RAPGEF6: variants seen among roughly 807,000 people sequenced by gnomAD.
The protein encoded by RAPGEF6 is PDZ domain containing guanine nucleotide exchange factor (GEF) 2.
In RAPGEF6, 56 loss-of-function variants were observed where a neutral mutation model predicts 171.4. The observed-to-expected ratio is 0.33, with a 90% CI of 0.26 to 0.41. The LOEUF is 0.41. Ranked by LOEUF, RAPGEF6 falls within the 10% of genes least tolerant of loss-of-function variation. The pLI is 1.00. For synonymous variants in RAPGEF6, 692 were observed against 650.1 expected, an observed-to-expected ratio of 1.06 and a Z score of -0.98; for missense variants, 1,674 against 1,921.4, an observed-to-expected ratio of 0.87 and a Z score of 2.41.
chr5:131,497,157 G>C (rs1225730252), intron 12 of RAPGEF6, among the ~76,000 whole-genome samples: 1 of 152,104 alleles, frequency 6.6e-6, no homozygotes, highest in Non-Finnish European at 1.5e-5. Flanking sequence ...GTGCCTGTTG[G>C]CCATTTACAT....
chr5:131,547,983 T>G, intron 6 of RAPGEF6, 64 bp downstream of exon 6: 1 of 1,538,980 alleles, frequency 6.5e-7, no homozygotes, highest in Non-Finnish European at 8.9e-7. Flanking sequence ...AAGATACATG[T>G]AAATTAAAGA....
Position 131,572,575 on chromosome 5 carries a change from C to A in RAPGEF6, c.282-10528G>T, listed in dbSNP as rs144811890. ...TGGTGGCAGGTCAACTGTGGAGATG[C>A]CTGCTTTGGCTGATCATGCCTGCTT... On this transcript the variant is annotated intron_variant, in intron 4 of 27. Transcript: ENST00000509018. Among the ~76,000 whole-genome samples, 30 of 152,204 alleles carry A rather than the reference C, an allele frequency of 2.0e-4. No individual in the cohort carries two copies. The East Asian group carries it at 5.0e-3, about 26-fold the overall frequency.
chr5:131,467,200 A>G (rs190688217), intron 17 of RAPGEF6, among the ~76,000 whole-genome samples: 4 of 152,340 alleles, frequency 2.6e-5, no homozygotes, highest in Admixed American at 2.6e-4. Flanking sequence ...GGAGCACACA[A>G]TTGTATATCT....
intron 14 of RAPGEF6, 24 bp downstream of exon 14, chr5:131,492,557 TA>T: frequency 6.2e-7 from 1 of 1,607,362 alleles, no homozygotes; most frequent in Non-Finnish European, 8.5e-7. Flanking sequence ...AAGGCTTGAA[TA>T]TAAGTGGTTG....
intron 27 of RAPGEF6, among the ~76,000 whole-genome samples, chr5:131,428,291 T>C (rs1381541882): frequency 6.6e-6 from 1 of 152,108 alleles, no homozygotes; most frequent in Non-Finnish European, 1.5e-5. Context: ...TGTGCACCTG[T>C]AGTCCCAGCT....
chr5:131,459,440 T>C lies in RAPGEF6; in HGVS notation c.2864+2265A>G, dbSNP rs138256873. On this transcript the variant is annotated intron_variant, in intron 19 of 27. Coordinates refer to ENST00000509018, the MANE Select transcript of RAPGEF6 (RefSeq NM_016340.6). ...GACAAATGAGGAAACTTAGTTCACA[T>C]AGACAACAAGTGCCAACACTGGATT... 5.5e-3 allele frequency among the ~76,000 whole-genome samples: 841 copies of C among 152,292 alleles called. 6 individuals are homozygous for C. Among genetic ancestry groups the C allele is most frequent in the Non-Finnish European group, 8.8e-3 (600 of 68,002 alleles).
chr5:131,601,783 T>C (rs747589030), intron 3 of RAPGEF6, among the ~76,000 whole-genome samples: 48 of 152,194 alleles, frequency 3.2e-4, no homozygotes, highest in Non-Finnish European at 6.0e-4. Flanking sequence ...CCTGTAATCA[T>C]AGCACCTTGG....
chr5:131,457,789 C>T (rs949908133), intron 19 of RAPGEF6, among the ~76,000 whole-genome samples: 3 of 152,006 alleles, frequency 2.0e-5, no homozygotes, highest in Admixed American at 1.3e-4. Context: ...CCCACAGATA[C>T]TGAGGGACAA....
At chr5:131,487,986 G>A (rs901384443) in intron 15 of RAPGEF6, among the ~76,000 whole-genome samples, 2 of 152,152 alleles carry the variant, frequency 1.3e-5, no homozygotes, top group African/African-American at 4.8e-5. Flanking sequence ...GAGATTGCCA[G>A]CTGTTTTCTT....
intron 1 of RAPGEF6, among the ~76,000 whole-genome samples, chr5:131,630,636 A>G (rs944292326): frequency 6.6e-6 from 1 of 152,208 alleles, no homozygotes; most frequent in African/African-American, 2.4e-5. Context: ...TCTCACACAC[A>G]CACTGTGTTA....
At chr5:131,540,059 A>G (rs1315892130) in intron 6 of RAPGEF6, among the ~76,000 whole-genome samples, 1 of 152,238 alleles carries the variant, frequency 6.6e-6, no homozygotes, top group Non-Finnish European at 1.5e-5. Context: ...TTTTAGGAAG[A>G]GCTGGCTGGC....
At chr5:131,569,463 GA>G (rs1247517093) in intron 4 of RAPGEF6, among the ~76,000 whole-genome samples, 17 of 151,768 alleles carry the variant, frequency 1.1e-4, no homozygotes. Context: ...ATTCAATGGG[GA>G]AAAAAACAGC....
intron 4 of RAPGEF6, among the ~76,000 whole-genome samples, chr5:131,564,620 C>G (rs907600406): frequency 1.3e-5 from 2 of 152,010 alleles, no homozygotes; most frequent in Non-Finnish European, 2.9e-5. Flanking sequence ...CAAGCAACAA[C>G]AAACCAGGCA....
chr5:131,446,624 A>G lies in RAPGEF6; in HGVS notation c.3280T>C (p.Ser1094Pro). Residue 1094 changes from serine (S) to proline (P), a missense_variant, in exon 22 of 28, where the codon TCT (serine) becomes CCT (proline). Ser to Pro is a moderately conservative substitution (Grantham distance 74). Around this residue, in one of 3 missense-constraint regions of RAPGEF6, gnomAD observed 1,116 missense variants for 1,321.5 expected, o/e 0.84. Coordinates refer to ENST00000509018, the MANE Select transcript of RAPGEF6 (RefSeq NM_016340.6). ...TATAGCTTCTTGGCATTAAGCAGAG[A>G]GCTGCGGCGTGCCCTTTTTTTGTGA... ...GAHKKRARRS[S>P]LLNAKKLYED... 1 of 1,614,192 alleles carries G rather than the reference A, an allele frequency of 6.2e-7. No individual in the cohort carries two copies. The highest frequency in any genetic ancestry group is 8.5e-7 in the Non-Finnish European group (1 of 1,180,020).
Position 131,521,534 on chromosome 5 carries a change from A to T in RAPGEF6, c.496-13T>A, listed in dbSNP as rs1270938353. ...GATCAGCTGGAAGCTGAAAAAAAAA[A>T]TAATTTAAGTTATTCTAAATGTCAA... On this transcript the variant is annotated splice_polypyrimidine_tract_variant and intron_variant, in intron 6 of 27. Coordinates refer to ENST00000509018, the MANE Select transcript of RAPGEF6 (RefSeq NM_016340.6). The T allele has an allele frequency of 6.3e-6, 10 of 1,584,752 alleles. No homozygotes were observed. In the Admixed American group the frequency reaches 1.9e-4, roughly 30 times the overall value.
chr5:131,431,736 C>T (rs1040202584), intron 25 of RAPGEF6, among the ~76,000 whole-genome samples: 3 of 151,894 alleles, frequency 2.0e-5, no homozygotes, highest in Non-Finnish European at 4.4e-5. Flanking sequence ...GTGATCCTCC[C>T]GCCTCAGCCT....
intron 4 of RAPGEF6, among the ~76,000 whole-genome samples, chr5:131,590,080 T>C (rs1384455177): frequency 6.6e-6 from 1 of 152,156 alleles, no homozygotes; most frequent in African/African-American, 2.4e-5. Flanking sequence ...GCTAATCCCT[T>C]GAACTAGTTT....
chr5:131,496,976 T>TGTA (rs1756679214), intron 12 of RAPGEF6, among the ~76,000 whole-genome samples: 2 of 150,812 alleles, frequency 1.3e-5, no homozygotes, highest in Non-Finnish European at 3.0e-5. Context: ...CATCAATGTG[T>TGTA]GTAGGGTGGG....
intron 5 of RAPGEF6, among the ~76,000 whole-genome samples, chr5:131,560,650 A>C (rs1761538581): frequency 6.6e-6 from 1 of 152,206 alleles, no homozygotes; most frequent in East Asian, 1.9e-4. Flanking sequence ...AATAAATTTG[A>C]AACAATACAT....
Sources: gnomAD v4.1 joint callset for allele counts (sites outside exome capture counted in the v4.1 genomes callset) on GRCh38, gnomAD v4.1.1 for gene constraint, gnomAD v4.1.1 regional missense constraint, MANE v1.5 for transcripts, NCBI Gene and HGNC (gene_info 2026-07-23, HGNC 2026-07-21) for gene names.